Variants in EPB41L3 observed in about 807,000 individuals in gnomAD.
The protein encoded by EPB41L3 is erythrocyte membrane protein band 4.1 like 3, also known as band 4.1-like protein 3.
In EPB41L3, 57 loss-of-function variants were observed where a neutral mutation model predicts 127.1. That is an observed-to-expected ratio of 0.45 (90% CI 0.36 to 0.56). EPB41L3 has a LOEUF of 0.56. EPB41L3 is among the 20% of genes least tolerant of loss of function. The pLI is 0.00. For synonymous variants in EPB41L3, 572 were observed against 549.5 expected (o/e 1.04, Z -0.57); for missense variants, 1,273 against 1,372.2 (o/e 0.93, Z 1.14).
At chr18:5,606,915 T>TGTCTCTCTCTCTCTCTCC (rs2094662115) in intron 3 of EPB41L3, among the ~76,000 whole-genome samples, 1 of 147,202 alleles carries the variant, frequency 6.8e-6, no homozygotes, top group Non-Finnish European at 1.5e-5. Flanking sequence ...TCTCTCTCTC[T>TGTCTCTCTCTCTCTCTCC]GTCTCTCTCT....
chr18:5,484,432 G>C (rs1368756615), intron 2 of EPB41L3, among the ~76,000 whole-genome samples: 2 of 151,294 alleles, frequency 1.3e-5, no homozygotes, highest in Non-Finnish European at 2.9e-5. Context: ...TGCACCTCAA[G>C]GGACTAGAAA....
At chr18:5,412,878 A>AC (rs1248097527) in intron 13 of EPB41L3, among the ~76,000 whole-genome samples, 2 of 151,996 alleles carry the variant, frequency 1.3e-5, no homozygotes, top group Non-Finnish European at 2.9e-5. Flanking sequence ...TAAAAAAAAA[A>AC]AAAAAAAATG....
At chr18:5,424,101 G>A (rs2145281359) in intron 10 of EPB41L3, among the ~76,000 whole-genome samples, 161 bp downstream of exon 10, 1 of 152,252 alleles carries the variant, frequency 6.6e-6, no homozygotes, top group East Asian at 1.9e-4. Context: ...TTCAAATTTA[G>A]TCTTTTTCTA....
At position 5,543,081 on chromosome 18, in the gene EPB41L3, C is replaced by T. The variant is rs2093783933; in HGVS notation, c.-12+832G>A. Among the ~76,000 whole-genome samples the T allele has an allele frequency of 6.6e-6, 1 of 151,754 alleles. No individual in the cohort carries two copies. Among genetic ancestry groups the T allele is most frequent in the African/African-American group, 2.4e-5 (1 of 41,396 alleles). Reference sequence around the variant, plus strand: ...CCAGGTGAGTCGCGCCGCCCCGAGCCCCCGGGCCACGGCAGGCCGACCCAG... The same window carrying T: ...CCAGGTGAGTCGCGCCGCCCCGAGCTCCCGGGCCACGGCAGGCCGACCCAG... On this transcript the variant is annotated intron_variant, in intron 1 of 22. Transcript: ENST00000341928. This position sits in a 1 kb window ranked among gnomAD's most constrained non-coding sequence, Gnocchi z 5.2.
chr18:5,474,374 A>G (rs2086755913), intron 3 of EPB41L3, among the ~76,000 whole-genome samples: 1 of 152,204 alleles, frequency 6.6e-6, no homozygotes, highest in Non-Finnish European at 1.5e-5. Context: ...TCAAACAGGC[A>G]GTAAGTGTTT....
At chr18:5,426,843 ACTAT>A (rs1297997938) in intron 9 of EPB41L3, among the ~76,000 whole-genome samples, 2 of 152,224 alleles carry the variant, frequency 1.3e-5, no homozygotes, top group Non-Finnish European at 2.9e-5. Flanking sequence ...AAGTCAAATG[ACTAT>A]CTATTGGCTA....
chr18:5,419,245 T>C (rs2144963000), intron 12 of EPB41L3, among the ~76,000 whole-genome samples: 1 of 152,328 alleles, frequency 6.6e-6, no homozygotes, highest in South Asian at 2.1e-4. Flanking sequence ...CTCTGCTGAT[T>C]AGGCGTAAGT....
chr18:5,533,319 A>C (rs1306047171), intron 1 of EPB41L3, among the ~76,000 whole-genome samples: 1 of 152,194 alleles, frequency 6.6e-6, no homozygotes, highest in Non-Finnish European at 1.5e-5. Context: ...GAGTCTAAGA[A>C]ACTGATGCAA....
chr18:5,424,422 A>T, intron 9 of EPB41L3, 63 bp from the exon 10 acceptor site: 2 of 1,321,590 alleles, frequency 1.5e-6, no homozygotes. Flanking sequence ...AAGCCCTGTA[A>T]ATAAATTACA....
At chr18:5,545,229 T>C (rs576593602), upstream of EPB41L3, among the ~76,000 whole-genome samples, 5 of 152,308 alleles carry the variant, frequency 3.3e-5, no homozygotes, top group Admixed American at 6.5e-5. Context: ...AAATAGAGCC[T>C]TCTCCAAATC....
intron 16 of EPB41L3, among the ~76,000 whole-genome samples, chr18:5,402,717 T>A (rs1342353346): frequency 6.6e-6 from 1 of 152,212 alleles, no homozygotes; most frequent in Admixed American, 6.5e-5. Flanking sequence ...TAGGATATAG[T>A]CAGATATATA....
chr18:5,595,391 C>T (rs1320615652), intron 3 of EPB41L3, among the ~76,000 whole-genome samples: 1 of 152,136 alleles, frequency 6.6e-6, no homozygotes, highest in African/African-American at 2.4e-5. Flanking sequence ...TGCACGCCCT[C>T]CCCAGAAGCC....
In EPB41L3 at chr18:5,419,715, C is replaced by T. The variant is rs775911998; in HGVS notation, c.1502G>A (p.Gly501Glu). ...VTPISAIRHEGKSPGLGTDSC... is the reference protein window; with the variant it reads ...VTPISAIRHEEKSPGLGTDSC... Reference sequence around the variant, plus strand: ...CAGGCAGTCTGGGAGCTATACCTTTCCCTCGTGCCGGATGGCCGAGATGGG... The same window carrying T: ...CAGGCAGTCTGGGAGCTATACCTTTTCCTCGTGCCGGATGGCCGAGATGGG... Residue 501 changes from glycine (G) to glutamate (E), a missense_variant, in exon 12 of 23, where the codon GGA becomes GAA. This residue lies in a region of EPB41L3 where 765 missense variants were observed against 782.9 expected (regional missense o/e 0.98). Coordinates refer to ENST00000341928, the MANE Select transcript of EPB41L3 (RefSeq NM_012307.5). 6.8e-6 allele frequency: 11 copies of T among 1,613,852 alleles called. No homozygotes were observed. Among genetic ancestry groups the T allele is most frequent in the South Asian group, 1.1e-5 (1 of 91,052 alleles).
intron 1 of EPB41L3, among the ~76,000 whole-genome samples, chr18:5,505,266 T>TCC (rs1364270640): frequency 6.6e-6 from 1 of 152,016 alleles, no homozygotes; most frequent in Non-Finnish European, 1.5e-5. Flanking sequence ...AATCAATCCA[T>TCC]CCTCCCAGAG....
chr18:5,484,086 C>CAAAAAAAAAAAAAAAAAAA lies in EPB41L3; in HGVS notation c.183+4896_183+4914dup. On this transcript the variant is annotated intron_variant, in intron 2 of 22. Transcript: ENST00000341928. ...GCTATAAAACAAGTCCAAACAAACT[C>CAAAAAAAAAAAAAAAAAAA]AAAAAAAAAAAAAAAAAAAAAAAAA... is the stretch of plus-strand genomic sequence containing the variant. Among the ~76,000 whole-genome samples the CAAAAAAAAAAAAAAAAAAA allele has an allele frequency of 1.4e-3, 26 of 18,280 alleles. 8 individuals carry two copies. The highest frequency in any genetic ancestry group is 2.0e-3 in the Non-Finnish European group (15 of 7,594). 12.0% of individuals were successfully genotyped at this position (18,280 alleles called of 152,430 possible).
chr18:5,482,133 G>C (rs2088681985), intron 2 of EPB41L3, among the ~76,000 whole-genome samples: 1 of 152,094 alleles, frequency 6.6e-6, no homozygotes, highest in Non-Finnish European at 1.5e-5. Flanking sequence ...AAGCAATTCA[G>C]AAATTTATCA....
At chr18:5,570,140 T>C (rs1050505642) in intron 3 of EPB41L3, 1 of 152,204 alleles carries the variant, frequency 6.6e-6, no homozygotes, top group Non-Finnish European at 1.5e-5. Flanking sequence ...ATCCTGCCTT[T>C]AGGCTGTCAG....
At chr18:5,510,199 A>G (rs1568459735) in intron 1 of EPB41L3, among the ~76,000 whole-genome samples, 1 of 152,232 alleles carries the variant, frequency 6.6e-6, no homozygotes, top group African/African-American at 2.4e-5. Context: ...TAATAGGCCC[A>G]TGACATGTAG....
intron 2 of EPB41L3, among the ~76,000 whole-genome samples, chr18:5,481,389 A>G (rs1448360766): frequency 6.6e-6 from 1 of 152,190 alleles, no homozygotes; most frequent in Admixed American, 6.5e-5. Flanking sequence ...TTGGACTTCC[A>G]TAGTCATGAT....
Sources: gnomAD v4.1 joint callset for allele counts (sites outside exome capture counted in the v4.1 genomes callset) on GRCh38, gnomAD v4.1.1 for gene constraint, gnomAD v4.1.1 regional missense constraint, Gnocchi (gnomAD v3.1) non-coding constraint, MANE v1.5 for transcripts, NCBI Gene and HGNC (gene_info 2026-07-23, HGNC 2026-07-21) for gene names.